The following SEMA3A variants were observed in gnomAD, a reference collection of about 807,000 sequenced individuals.
SEMA3A encodes semaphorin-3A.
A neutral mutation model predicts 97.9 loss-of-function variants in SEMA3A; 29 were observed. The observed-to-expected ratio is 0.30, with a 90% CI of 0.22 to 0.40. The LOEUF is 0.40. Ranked by LOEUF, SEMA3A falls within the 10% of genes least tolerant of loss-of-function variation. The probability of loss-of-function intolerance (pLI) is 1.00; values close to 1 mark genes in which losing one functional copy is unlikely to be tolerated. For synonymous variants in SEMA3A, 321 were observed against 323.7 expected (o/e 0.99, Z 0.09); for missense variants, 763 against 951.3 (o/e 0.80, Z 2.60).
intron 1 of SEMA3A, among the ~76,000 whole-genome samples, chr7:84,175,679 T>C (rs1335207311): frequency 2.0e-5 from 3 of 152,242 alleles, no homozygotes; most frequent in Admixed American, 6.5e-5. Flanking sequence ...AGACAAATGG[T>C]TTTTGTTATC....
chr7:84,375,208 T>C (rs749726004), intron 1 of SEMA3A, among the ~76,000 whole-genome samples: 7 of 151,980 alleles, frequency 4.6e-5, no homozygotes, highest in Non-Finnish European at 1.0e-4. Flanking sequence ...TTAGTAGAGA[T>C]GAGGTTTCAC....
At chr7:84,211,811 T>C (rs1798634567) in intron 3 of SEMA3A, among the ~76,000 whole-genome samples, 1 of 152,124 alleles carries the variant, frequency 6.6e-6, no homozygotes, top group Non-Finnish European at 1.5e-5. Flanking sequence ...TGGGAATTCA[T>C]TTAAAGCTCA....
chr7:84,368,219 A>T (rs1203853901), intron 2 of SEMA3A, among the ~76,000 whole-genome samples: 4 of 151,206 alleles, frequency 2.6e-5, no homozygotes, highest in African/African-American at 9.7e-5. Flanking sequence ...ATTCACCATA[A>T]TGTTAGTAAA....
chr7:84,422,146 T>C (rs1409393000), intron 1 of SEMA3A, among the ~76,000 whole-genome samples: 1 of 152,062 alleles, frequency 6.6e-6, no homozygotes, highest in Non-Finnish European at 1.5e-5. Flanking sequence ...CGTCTGGTCC[T>C]GGGCTTTTTT....
chr7:84,470,444 A>T (rs1019858183), intron 1 of SEMA3A, among the ~76,000 whole-genome samples: 1 of 152,148 alleles, frequency 6.6e-6, no homozygotes, highest in African/African-American at 2.4e-5. Flanking sequence ...TAACAGTTGT[A>T]AAGCATTGCT....
At chr7:84,374,462 ATG>A (rs905836165) in intron 1 of SEMA3A, among the ~76,000 whole-genome samples, 3 of 152,034 alleles carry the variant, frequency 2.0e-5, no homozygotes, top group African/African-American at 4.8e-5. Context: ...TTATGAATTG[ATG>A]TGTGTGTGTG....
At chr7:84,186,242 C>T (rs12707625) in intron 1 of SEMA3A, among the ~76,000 whole-genome samples, 9,577 of 152,154 alleles carry the variant, frequency 0.063, 351 homozygotes, top group African/African-American at 0.092. Flanking sequence ...GTAGATGTGA[C>T]ATCACCTTTC....
chr7:84,453,757 C>A (rs1230003265), intron 1 of SEMA3A, among the ~76,000 whole-genome samples: 2 of 152,046 alleles, frequency 1.3e-5, no homozygotes, highest in Non-Finnish European at 2.9e-5. Flanking sequence ...AGCTGTCTGC[C>A]TTTCTTTGCA....
intron 1 of SEMA3A, among the ~76,000 whole-genome samples, chr7:84,179,978 T>G (rs1797688915): frequency 6.8e-6 from 1 of 147,468 alleles, no homozygotes; most frequent in South Asian, 2.2e-4. Context: ...TTTTTTTTTT[T>G]TTGAGACTGA....
intron 6 of SEMA3A, among the ~76,000 whole-genome samples, chr7:84,025,659 G>A (rs1791518576): frequency 6.6e-6 from 1 of 152,116 alleles, no homozygotes; most frequent in Non-Finnish European, 1.5e-5. Context: ...AGTTCAAGAT[G>A]AGTCACATCA....
At position 84,150,311 on chromosome 7, in the gene SEMA3A, C is replaced by T. The variant is rs566743169; in HGVS notation, c.113-15360G>A. Among the ~76,000 whole-genome samples, 795 of 152,310 alleles carry T rather than the reference C, an allele frequency of 5.2e-3. 4 individuals are homozygous for T. The highest frequency in any genetic ancestry group is 0.017 in the Middle Eastern group (5 of 294). ...CGACGCAGAAGACGGGTGATTTCTG[C>T]ATTTCCATCTGAGGTACCGGGTTCA... On this transcript the variant is annotated intron_variant, in intron 1 of 16. Transcript: ENST00000265362.
chr7:84,158,575 GT>G (rs1360630387), intron 1 of SEMA3A, among the ~76,000 whole-genome samples: 7 of 152,176 alleles, frequency 4.6e-5, no homozygotes, highest in African/African-American at 1.4e-4. Context: ...CTCTATATAC[GT>G]ACTTTTCCCA....
At position 84,005,361 on chromosome 7, in the gene SEMA3A, A is replaced by T; in HGVS notation, c.1338T>A (p.Tyr446Ter). The T allele has an allele frequency of 6.2e-7, 1 of 1,613,180 alleles. No homozygotes were observed. The highest frequency in any genetic ancestry group is 8.5e-7 in the Non-Finnish European group (1 of 1,179,240). ...VDRVDAEDGQ[Y>*]DVMFIGTDVG... ...TACCTGTTCCGATAAACATAACATC[A>T]TACTGTCCATCTTCTGCATCCACTC... The change falls in exon 11 of 17, where the codon TAT becomes TAA. Residue 446 changes from tyrosine to a stop codon, truncating the protein, a stop_gained. Transcript: ENST00000265362. LOFTEE classifies it high-confidence loss of function.
chr7:84,069,103 A>G (rs1486817278), intron 4 of SEMA3A, among the ~76,000 whole-genome samples: 1 of 152,138 alleles, frequency 6.6e-6, no homozygotes, highest in Non-Finnish European at 1.5e-5. Context: ...TCTGAAATAA[A>G]TATAATTTGA....
At chr7:84,405,908 G>C (rs1272446779) in intron 1 of SEMA3A, among the ~76,000 whole-genome samples, 1 of 152,092 alleles carries the variant, frequency 6.6e-6, no homozygotes, top group Non-Finnish European at 1.5e-5. Context: ...AGTATGTAGA[G>C]GGAAATTTAT....
At chr7:84,222,582 T>G (rs1333996118) in intron 3 of SEMA3A, among the ~76,000 whole-genome samples, 1 of 151,912 alleles carries the variant, frequency 6.6e-6, no homozygotes, top group Non-Finnish European at 1.5e-5. Flanking sequence ...AGAATTAGTT[T>G]TACTTTTGTT....
chr7:84,253,780 A>G (rs975015449), intron 3 of SEMA3A, among the ~76,000 whole-genome samples: 1 of 152,130 alleles, frequency 6.6e-6, no homozygotes, highest in African/African-American at 2.4e-5. Context: ...AGTTGACACA[A>G]CTAAGAATCT....
chr7:84,106,011 T>G (rs937952538), intron 4 of SEMA3A, among the ~76,000 whole-genome samples: 2 of 152,184 alleles, frequency 1.3e-5, no homozygotes, highest in African/African-American at 4.8e-5. Context: ...TGGAGTTAAT[T>G]AATAGGTCTA....
intron 5 of SEMA3A, 67 bp from the exon 6 acceptor site, chr7:84,046,510 A>C (rs1429280658): frequency 1.3e-6 from 2 of 1,578,992 alleles, no homozygotes; most frequent in African/African-American, 1.4e-5. Flanking sequence ...ACAAAACAAA[A>C]CAAACAAAAT....
Sources: gnomAD v4.1 joint callset for allele counts (sites outside exome capture counted in the v4.1 genomes callset) on GRCh38, gnomAD v4.1.1 for gene constraint, MANE v1.5 for transcripts, NCBI Gene and HGNC (gene_info 2026-07-23, HGNC 2026-07-21) for gene names.